BOLL: variants seen among roughly 807,000 people sequenced by gnomAD.
The protein encoded by BOLL is protein boule-like.
BOLL carries 23 observed loss-of-function variants against 44.4 expected under a neutral mutation model. That is an observed-to-expected ratio of 0.52 (90% CI 0.37 to 0.73). The LOEUF (loss-of-function observed/expected upper bound fraction) is 0.73. Ranked by LOEUF, BOLL falls within the 30% of genes least tolerant of loss-of-function variation. The probability of loss-of-function intolerance (pLI) is 0.00; values close to 1 mark genes in which losing one functional copy is unlikely to be tolerated. For synonymous variants in BOLL, 97 were observed against 110.8 expected (o/e 0.88, Z 0.78); for missense variants, 287 against 338.3 (o/e 0.85, Z 1.19).
chr2:197,732,962 G>A (rs1231435097), intron 10 of BOLL, among the ~76,000 whole-genome samples: 1 of 139,552 alleles, frequency 7.2e-6, no homozygotes, highest in East Asian at 2.0e-4. Context: ...TCTGGCCAGG[G>A]CAATTAGGCA....
At chr2:197,742,810 A>G (rs1255558667) in intron 10 of BOLL, among the ~76,000 whole-genome samples, 1 of 152,136 alleles carries the variant, frequency 6.6e-6, no homozygotes, top group African/African-American at 2.4e-5. Context: ...AACTTAAAGT[A>G]TAATAAAATA....
chr2:197,754,688 T>C (rs1190289048), intron 9 of BOLL, among the ~76,000 whole-genome samples: 1 of 148,048 alleles, frequency 6.8e-6, no homozygotes, highest in Non-Finnish European at 1.5e-5. Context: ...CACTCTAGCC[T>C]GGGCGATGGA....
intron 9 of BOLL, among the ~76,000 whole-genome samples, chr2:197,754,355 C>T (rs1688404369): frequency 6.6e-6 from 1 of 152,080 alleles, no homozygotes; most frequent in African/African-American, 2.4e-5. Context: ...GTTCCTTACA[C>T]CTTATACAAA....
intron 10 of BOLL, among the ~76,000 whole-genome samples, chr2:197,734,317 G>A (rs1192437743): frequency 2.6e-5 from 4 of 151,956 alleles, no homozygotes; most frequent in South Asian, 2.1e-4. Flanking sequence ...GAAACAACAG[G>A]TGCTGGAGAA....
chr2:197,761,775 TGG>T (rs1688768759), intron 7 of BOLL, among the ~76,000 whole-genome samples: 1 of 152,062 alleles, frequency 6.6e-6, no homozygotes, highest in Non-Finnish European at 1.5e-5. Flanking sequence ...TTCATGCAAA[TGG>T]AAACCAAAGC....
At chr2:197,745,712 A>G (rs902401129) in intron 9 of BOLL, among the ~76,000 whole-genome samples, 2 of 152,228 alleles carry the variant, frequency 1.3e-5, no homozygotes, top group Non-Finnish European at 2.9e-5. Flanking sequence ...CAAACCATAC[A>G]CAATGTAGAA....
Position 197,766,397 on chromosome 2 carries a change from G to A in BOLL, c.552+135C>T, listed in dbSNP as rs1466119155. The A allele has an allele frequency of 5.1e-6, 4 of 781,278 alleles. No homozygotes were observed. The Admixed American group carries it at 9.4e-5, about 18-fold the overall frequency. The allele number at this position is 781,278 out of a possible 1,614,324, so 48.4% of individuals were successfully genotyped here. A position where few individuals can be genotyped will look rare whatever the true frequency, so the allele number is the denominator to read the frequency against. On this transcript the variant is annotated intron_variant, in intron 7 of 10. Transcript: ENST00000392296. The stretch of plus-strand genomic sequence containing the variant: ...TGGTGTGAGATGGTATATCAATGTG[G>A]TTTTGATTCACATTTCTCTAATGAA...
chr2:197,759,624 C>T (rs1421545703), intron 7 of BOLL, among the ~76,000 whole-genome samples: 1 of 152,186 alleles, frequency 6.6e-6, no homozygotes, highest in East Asian at 1.9e-4. Flanking sequence ...AGCATGGAAC[C>T]TGAGGCTCAA....
At chr2:197,739,211 G>A (rs751022102) in intron 10 of BOLL, among the ~76,000 whole-genome samples, 7 of 152,056 alleles carry the variant, frequency 4.6e-5, no homozygotes, top group Non-Finnish European at 1.0e-4. Context: ...TTTGACTTTG[G>A]AAGTCTATTT....
chr2:197,754,142 C>T (rs944119225), intron 9 of BOLL, among the ~76,000 whole-genome samples: 6 of 151,824 alleles, frequency 4.0e-5, no homozygotes, highest in South Asian at 2.1e-4. Context: ...GTCAGGGGGT[C>T]GGGGGCACGG....
chr2:197,755,516 C>T (rs1297243807), intron 9 of BOLL, among the ~76,000 whole-genome samples: 2 of 152,096 alleles, frequency 1.3e-5, no homozygotes, highest in South Asian at 2.1e-4. Context: ...GTGATAGACT[C>T]GATAAAGAAA....
intron 2 of BOLL, among the ~76,000 whole-genome samples, chr2:197,781,301 G>C (rs1689767501): frequency 6.6e-6 from 1 of 151,990 alleles, no homozygotes; most frequent in Admixed American, 6.6e-5. Context: ...GATAAGAGTT[G>C]GGGTAAAGAA....
At chr2:197,757,586 C>A (rs755285190) in intron 7 of BOLL, among the ~76,000 whole-genome samples, 186 bp from the exon 8 acceptor site, 6 of 152,014 alleles carry the variant, frequency 3.9e-5, no homozygotes, top group Non-Finnish European at 4.4e-5. Flanking sequence ...TTATACATCT[C>A]TTAGAAAAAA....
intron 2 of BOLL, among the ~76,000 whole-genome samples, chr2:197,780,067 CAG>C (rs904434302): frequency 9.2e-5 from 14 of 151,854 alleles, no homozygotes; most frequent in Admixed American, 9.2e-4. Context: ...TTTCAGTTAA[CAG>C]AAAATGAAAT....
At chr2:197,728,707 T>C (rs1341633542) in intron 10 of BOLL, 129 bp from the exon 11 acceptor site, 2 of 651,656 alleles carry the variant, frequency 3.1e-6, no homozygotes, top group Non-Finnish European at 5.2e-6. Context: ...CCAATTAAAT[T>C]AGAATGTTAC....
At chr2:197,755,193 T>C (rs1688455172) in intron 9 of BOLL, among the ~76,000 whole-genome samples, 1 of 152,332 alleles carries the variant, frequency 6.6e-6, no homozygotes, top group Non-Finnish European at 1.5e-5. Context: ...CACAATGAGA[T>C]ACCATCTCAC....
At chr2:197,738,131 A>G (rs550431616) in intron 10 of BOLL, among the ~76,000 whole-genome samples, 253 of 152,310 alleles carry the variant, frequency 1.7e-3, no homozygotes, top group Non-Finnish European at 3.1e-3. Flanking sequence ...GAAACATAAT[A>G]GTTCACATAC....
intron 9 of BOLL, among the ~76,000 whole-genome samples, chr2:197,751,545 A>T (rs1193338113): frequency 6.6e-6 from 1 of 152,182 alleles, no homozygotes; most frequent in East Asian, 1.9e-4. Flanking sequence ...GAAAATCTAG[A>T]AGAAATGGAT....
At chr2:197,747,582 C>CAAA (rs59385223) in intron 9 of BOLL, among the ~76,000 whole-genome samples, 663 of 60,194 alleles carry the variant, frequency 0.011, 7 homozygotes, top group East Asian at 0.021. Context: ...GACTCGGGCT[C>CAAA]AAAAAAAAAA....
Sources: gnomAD v4.1 joint callset for allele counts (sites outside exome capture counted in the v4.1 genomes callset) on GRCh38, gnomAD v4.1.1 for gene constraint, MANE v1.5 for transcripts, NCBI Gene and HGNC (gene_info 2026-07-23, HGNC 2026-07-21) for gene names.